STAT4: variants seen among roughly 807,000 people sequenced by gnomAD.
STAT4 encodes the protein signal transducer and activator of transcription 4.
In STAT4, 42 loss-of-function variants were observed where a neutral mutation model predicts 110.5. The observed-to-expected ratio is 0.38, with a 90% CI of 0.30 to 0.49. The LOEUF (loss-of-function observed/expected upper bound fraction) is 0.49. Ranked by LOEUF, STAT4 falls within the 20% of genes least tolerant of loss-of-function variation. STAT4 has a pLI of 0.95. For synonymous variants in STAT4, 284 were observed against 302.2 expected, an observed-to-expected ratio of 0.94 and a Z score of 0.63; for missense variants, 632 against 887.9, an observed-to-expected ratio of 0.71 and a Z score of 3.66.
intron 6 of STAT4, chr2:191,068,605 A>G (rs1420660042): frequency 6.6e-6 from 1 of 152,154 alleles, no homozygotes; most frequent in Non-Finnish European, 1.5e-5. Flanking sequence ...CTGTAAATGG[A>G]AAGTTTATAT....
rs966133299 is a variant in STAT4, at chr2:191,039,573, T to C, written c.1336-276A>G. Among the ~76,000 whole-genome samples the C allele has an allele frequency of 1.1e-4, 16 of 152,252 alleles. No homozygotes were observed. The highest frequency in any genetic ancestry group is 3.9e-4 in the African/African-American group (16 of 41,478). Reference sequence around the variant, plus strand: ...TCCCCTGACATTGCGGACACATTTATACTTTTTAAATGTCACCCACTGTCT... The same window carrying C: ...TCCCCTGACATTGCGGACACATTTACACTTTTTAAATGTCACCCACTGTCT... On this transcript the variant is annotated intron_variant, in intron 15 of 23. Transcript: ENST00000392320. This position sits in a 1 kb window ranked among gnomAD's most constrained non-coding sequence, Gnocchi z 4.7.
chr2:191,095,098 A>G (rs963211135), intron 3 of STAT4, among the ~76,000 whole-genome samples: 3 of 152,262 alleles, frequency 2.0e-5, no homozygotes, highest in Admixed American at 1.3e-4. Context: ...ACCCAGATTC[A>G]TAAAGCAAGT....
intron 3 of STAT4, among the ~76,000 whole-genome samples, chr2:191,108,458 T>C (rs1039046758): frequency 3.3e-5 from 5 of 152,130 alleles, no homozygotes; most frequent in African/African-American, 4.8e-5. Flanking sequence ...CTTGCACATA[T>C]GATGCGTTGA....
rs1410337214 is a variant in STAT4, at chr2:191,050,015, C to G, written c.1251+4475G>C. Among the ~76,000 whole-genome samples, 1 of 152,152 alleles carries G rather than the reference C, an allele frequency of 6.6e-6. No homozygotes were observed. Among genetic ancestry groups the G allele is most frequent in the Non-Finnish European group, 1.5e-5 (1 of 68,032 alleles). On this transcript the variant is annotated intron_variant, in intron 14 of 23. Coordinates refer to ENST00000392320, the MANE Select transcript of STAT4 (RefSeq NM_003151.4). The surrounding 1 kb of genome is among the most constrained non-coding windows in gnomAD (Gnocchi z 4.3). ...GAACCTTGAAAGAACATCTGTTTGG[C>G]TATTTTGTTAAATGAAACTCAAGTC... is the stretch of plus-strand genomic sequence containing the variant.
intron 3 of STAT4, among the ~76,000 whole-genome samples, chr2:191,093,402 T>C (rs918248971): frequency 8.0e-5 from 12 of 149,794 alleles, no homozygotes; most frequent in African/African-American, 2.9e-4. Context: ...TGTTCTGCAA[T>C]ATTTGCTGTT....
At chr2:191,115,655 G>A (rs965189347) in intron 3 of STAT4, among the ~76,000 whole-genome samples, 3 of 152,128 alleles carry the variant, frequency 2.0e-5, no homozygotes, top group Non-Finnish European at 4.4e-5. Context: ...CAATTGGACC[G>A]AATGCTCCTC....
chr2:191,048,477 A>T (rs1452817574), intron 14 of STAT4, among the ~76,000 whole-genome samples: 1 of 152,138 alleles, frequency 6.6e-6, no homozygotes, highest in Non-Finnish European at 1.5e-5. Context: ...AACATCATAG[A>T]TAAGATGCAC....
In STAT4 at chr2:191,076,287, A is replaced by G. The variant is rs1559055923; in HGVS notation, c.312T>C (p.Val104=). 1.2e-6 allele frequency: 2 copies of G among 1,613,772 alleles called. No homozygotes were observed. The highest frequency in any genetic ancestry group is 1.7e-6 in the Non-Finnish European group (2 of 1,179,796). ...TCTCTTCCCTTAAACAGTTTGAAAT[A>G]ACCACAGCTACATGCATTGGATTTC... ...FHGNPMHVAV[V]ISNCLREERR... is the part of the protein sequence containing the mutation. The change falls in exon 4 of 24, where the codon GTT becomes GTC. Residue 104 remains valine, a synonymous_variant. Transcript: ENST00000392320.
At chr2:191,074,570 C>T (rs1029145401) in intron 4 of STAT4, among the ~76,000 whole-genome samples, 26 of 152,040 alleles carry the variant, frequency 1.7e-4, no homozygotes, top group East Asian at 1.9e-4. Flanking sequence ...GAAGAGAACA[C>T]GCTCTCTCAC....
chr2:191,084,328 A>G (rs1697573974), intron 3 of STAT4, among the ~76,000 whole-genome samples: 1 of 151,938 alleles, frequency 6.6e-6, no homozygotes, highest in South Asian at 2.1e-4. Context: ...ATGTTCTTAG[A>G]GTTGAGCCAT....
chr2:191,127,131 C>A lies in STAT4; in HGVS notation c.273+19482G>T, dbSNP rs185366544. On this transcript the variant is annotated intron_variant, in intron 3 of 23. Transcript: ENST00000392320. ...AGAGGTTAGAATGAGAAAAAAAAAACCAAAAAAACTCAGTGTCAGAATTCT... is the reference window on the plus strand; with the variant it reads ...AGAGGTTAGAATGAGAAAAAAAAAAACAAAAAAACTCAGTGTCAGAATTCT... 3.8e-3 allele frequency among the ~76,000 whole-genome samples: 576 copies of A among 151,728 alleles called. 1 individual carries two copies. The highest frequency in any genetic ancestry group is 0.01 in the African/African-American group (433 of 41,348).
chr2:191,039,400 A>C lies in STAT4; in HGVS notation c.1336-103T>G. On this transcript the variant is annotated intron_variant, in intron 15 of 23. Coordinates refer to ENST00000392320, the MANE Select transcript of STAT4 (RefSeq NM_003151.4). This position sits in a 1 kb window ranked among gnomAD's most constrained non-coding sequence, Gnocchi z 4.7. ...AAAGGGCCAATCTCAAGCCAGCCCC[A>C]CACCTCCAGTCCTGATGTCCATGGT... 1.1e-6 allele frequency: 1 copy of C among 916,782 alleles called. No homozygotes were observed. Among genetic ancestry groups the C allele is most frequent in the Non-Finnish European group, 1.8e-6 (1 of 560,974 alleles). The allele number at this position is 916,782 out of a possible 1,614,324, so 56.8% of individuals were successfully genotyped here.
chr2:191,048,143 AAAAGACT>A (rs1696403267), intron 14 of STAT4, among the ~76,000 whole-genome samples: 1 of 152,216 alleles, frequency 6.6e-6, no homozygotes. Context: ...TACCTTTGGA[AAAAGACT>A]TTACGCTTTA....
In STAT4 at chr2:191,032,921, AAGGAAAAAAAAAC is replaced by A. The variant is rs910336165; in HGVS notation, c.2044+24_2044+36del. The A allele has an allele frequency of 6.4e-7, 1 of 1,566,324 alleles. No individual in the cohort carries two copies. The highest frequency in any genetic ancestry group is 1.4e-5 in the African/African-American group (1 of 72,374). On this transcript the variant is annotated intron_variant, in intron 21 of 23. Coordinates refer to ENST00000392320, the MANE Select transcript of STAT4 (RefSeq NM_003151.4). The surrounding 1 kb of genome is among the most constrained non-coding windows in gnomAD (Gnocchi z 4.9). The stretch of plus-strand genomic sequence containing the variant: ...ATATGAGGTTATTTTCCAAAATCTT[AAGGAAAAAAAAAC>A]AAAAACAAACAGAAAAACCTAACCT...
rs914813725 is a variant in STAT4 at position 191,039,121 on chromosome 2, G to A, written c.1434+78C>T. 7.6e-7 allele frequency: 1 copy of A among 1,316,936 alleles called. No individual in the cohort carries two copies. The highest frequency in any genetic ancestry group is 1.4e-5 in the African/African-American group (1 of 69,234). 81.6% of individuals were successfully genotyped at this position (1,316,936 alleles called of 1,614,324 possible). A position where few individuals can be genotyped will look rare whatever the true frequency, so the allele number is the denominator to read the frequency against. The stretch of plus-strand genomic sequence containing the variant: ...CCCCACACCCCACTGGCACACACAT[G>A]TTTTGATGCAGATGTGTTTGTTGGC... On this transcript the variant is annotated intron_variant, in intron 16 of 23. Transcript: ENST00000392320. This position sits in a 1 kb window ranked among gnomAD's most constrained non-coding sequence, Gnocchi z 4.7.
At chr2:191,080,183 A>T (rs1697422650) in intron 3 of STAT4, among the ~76,000 whole-genome samples, 1 of 152,154 alleles carries the variant, frequency 6.6e-6, no homozygotes, top group African/African-American at 2.4e-5. Flanking sequence ...AATACAAAGT[A>T]TACCACAATG....
chr2:191,045,745 T>C (rs1454660307), intron 14 of STAT4, among the ~76,000 whole-genome samples: 1 of 152,188 alleles, frequency 6.6e-6, no homozygotes, highest in Non-Finnish European at 1.5e-5. Context: ...GAGAAGGAAG[T>C]AGATCTTTGT....
intron 3 of STAT4, among the ~76,000 whole-genome samples, chr2:191,133,299 C>T (rs1699093540): frequency 6.6e-6 from 1 of 151,400 alleles, no homozygotes; most frequent in African/African-American, 2.5e-5. Context: ...ACTGTCCAGG[C>T]ACTGGGGATA....
intron 3 of STAT4, among the ~76,000 whole-genome samples, chr2:191,134,079 G>C (rs1168544656): frequency 6.6e-6 from 1 of 152,142 alleles, no homozygotes. Flanking sequence ...ATACAACACA[G>C]TCTACCACCA....
Sources: gnomAD v4.1 joint callset for allele counts (sites outside exome capture counted in the v4.1 genomes callset) on GRCh38, gnomAD v4.1.1 for gene constraint, Gnocchi (gnomAD v3.1) non-coding constraint, MANE v1.5 for transcripts, NCBI Gene and HGNC (gene_info 2026-07-23, HGNC 2026-07-21) for gene names.